RBFOX1: variants seen among roughly 807,000 people sequenced by gnomAD.
RBFOX1 encodes RNA binding protein fox-1 homolog 1.
Under a neutral mutation model 57.7 loss-of-function variants are expected in RBFOX1, and 8 were observed. The observed-to-expected ratio is 0.14, with a 90% confidence interval of 0.08 to 0.25. RBFOX1 has a LOEUF of 0.25. Ranked by LOEUF, RBFOX1 falls within the 10% of genes least tolerant of loss-of-function variation. RBFOX1 has a pLI of 1.00. For missense variants in RBFOX1, 611 were observed against 548.5 expected (o/e 1.11, Z -1.14); for synonymous variants, 326 against 222.4 (o/e 1.47, Z -4.15).
chr16:5,685,142 C>T (rs1473473689), intron 3 of RBFOX1, among the ~76,000 whole-genome samples: 1 of 152,152 alleles, frequency 6.6e-6, no homozygotes, highest in Non-Finnish European at 1.5e-5. Context: ...GCAAGATCAG[C>T]AGGAACTGGA....
chr16:7,456,773 A>G (rs1398610163), intron 4 of RBFOX1, among the ~76,000 whole-genome samples: 1 of 152,160 alleles, frequency 6.6e-6, no homozygotes, highest in African/African-American at 2.4e-5. Context: ...CAGTGGTAGC[A>G]ATTGCAGGAG....
At chr16:5,529,952 C>T (rs540556890) in intron 2 of RBFOX1, among the ~76,000 whole-genome samples, 1 of 152,128 alleles carries the variant, frequency 6.6e-6, no homozygotes, top group Non-Finnish European at 1.5e-5. Flanking sequence ...ACTCGAGGAA[C>T]ACCAAGAAAC....
chr16:5,702,360 A>G (rs2051083159), intron 3 of RBFOX1, among the ~76,000 whole-genome samples: 1 of 152,200 alleles, frequency 6.6e-6, no homozygotes, highest in Non-Finnish European at 1.5e-5. Flanking sequence ...CTATCATGAG[A>G]TAACAGCAAG....
At chr16:5,754,297 T>A (rs2053320906) in intron 3 of RBFOX1, among the ~76,000 whole-genome samples, 1 of 152,148 alleles carries the variant, frequency 6.6e-6, no homozygotes, top group Non-Finnish European at 1.5e-5. Context: ...CTATGTAACA[T>A]GTTTAGGATT....
chr16:7,579,436 CCCTT>C (rs2093584268), intron 5 of RBFOX1, among the ~76,000 whole-genome samples: 1 of 152,046 alleles, frequency 6.6e-6, no homozygotes, highest in African/African-American at 2.4e-5. Flanking sequence ...GCTCCCAGTC[CCCTT>C]CCTTTGCTTT....
At chr16:5,594,414 A>T (rs982929517) in intron 2 of RBFOX1, among the ~76,000 whole-genome samples, 17 of 120,586 alleles carry the variant, frequency 1.4e-4, no homozygotes, top group African/African-American at 4.9e-4. Context: ...CAGGCCTGTG[A>T]CACAGCCTCA....
intron 1 of RBFOX1, among the ~76,000 whole-genome samples, chr16:6,158,060 A>G (rs926454185): frequency 1.3e-5 from 2 of 152,216 alleles, no homozygotes; most frequent in African/African-American, 4.8e-5. Context: ...ATCCAAACCA[A>G]TGGAAACTAG....
intron 4 of RBFOX1, among the ~76,000 whole-genome samples, chr16:7,138,412 A>G (rs1453281470): frequency 6.6e-6 from 1 of 152,194 alleles, no homozygotes; most frequent in Non-Finnish European, 1.5e-5. Context: ...TTTCTGGGAC[A>G]AGATTTCCTT....
chr16:7,010,056 C>T (rs1351998106), intron 3 of RBFOX1, among the ~76,000 whole-genome samples: 1 of 151,928 alleles, frequency 6.6e-6, no homozygotes, highest in African/African-American at 2.4e-5. Flanking sequence ...ACTCAAGAGG[C>T]CCTGGGAGAA....
chr16:7,690,609 C>A (rs1345002048), intron 14 of RBFOX1, among the ~76,000 whole-genome samples: 2 of 152,062 alleles, frequency 1.3e-5, no homozygotes, highest in African/African-American at 4.8e-5. Context: ...CTGGTACCAG[C>A]CTTCTTTCTT....
chr16:5,916,675 T>C (rs2152219835), intron 4 of RBFOX1, among the ~76,000 whole-genome samples: 1 of 152,204 alleles, frequency 6.6e-6, no homozygotes, highest in East Asian at 1.9e-4. Flanking sequence ...TTCCTTGTGG[T>C]AAGCCCCACA....
Position 6,382,142 on chromosome 16 carries a change from A to G in RBFOX1, c.-64+65085A>G, listed in dbSNP as rs117994173. ...ATGGATGCAGAAATTTGAATTTCCC[A>G]TCATTTTCATGTGTTGAAGAATAGT... On this transcript the variant is annotated intron_variant, in intron 2 of 15. Transcript: ENST00000550418. Among the ~76,000 whole-genome samples the G allele has an allele frequency of 1.4e-4, 22 of 152,344 alleles. No homozygotes were observed. The East Asian group carries it at 3.9e-3, about 27-fold the overall frequency.
chr16:6,865,223 G>A (rs999678295), intron 3 of RBFOX1, among the ~76,000 whole-genome samples: 4 of 151,634 alleles, frequency 2.6e-5, no homozygotes, highest in Non-Finnish European at 4.4e-5. Context: ...GGCTGGTCTC[G>A]AACTCCTGAC....
At chr16:6,223,540 T>C (rs1010622120) in intron 1 of RBFOX1, among the ~76,000 whole-genome samples, 1 of 152,154 alleles carries the variant, frequency 6.6e-6, no homozygotes, top group Non-Finnish European at 1.5e-5. Flanking sequence ...CCAGTTTTTG[T>C]TGGGGTTGTT....
At chr16:7,195,144 C>T (rs1025997748) in intron 4 of RBFOX1, among the ~76,000 whole-genome samples, 12 of 152,126 alleles carry the variant, frequency 7.9e-5, no homozygotes, top group African/African-American at 1.9e-4. Context: ...ATGTTTTGTG[C>T]CTCATATTGC....
At chr16:6,190,370 T>C (rs1291879266) in intron 1 of RBFOX1, among the ~76,000 whole-genome samples, 1 of 152,168 alleles carries the variant, frequency 6.6e-6, no homozygotes, top group Non-Finnish European at 1.5e-5. Context: ...CAGAATTATG[T>C]AGTGTCAGGT....
Position 6,771,621 on chromosome 16 carries a change from C to T in RBFOX1, c.-16+116971C>T, listed in dbSNP as rs143262263. 2.2e-3 allele frequency among the ~76,000 whole-genome samples: 341 copies of T among 152,314 alleles called. 3 individuals carry two copies. Among genetic ancestry groups the T allele is most frequent in the African/African-American group, 8.0e-3 (334 of 41,564 alleles). On this transcript the variant is annotated intron_variant, in intron 3 of 15. Coordinates refer to ENST00000550418, the MANE Select transcript of RBFOX1 (RefSeq NM_018723.4). Reference sequence around the variant, plus strand: ...TGATGCCTAACTCAGCAGTTCTCAACTGTGGACAATTTTGCTCCTCAGGAG... The same window carrying T: ...TGATGCCTAACTCAGCAGTTCTCAATTGTGGACAATTTTGCTCCTCAGGAG...
intron 1 of RBFOX1, among the ~76,000 whole-genome samples, chr16:6,250,393 T>C (rs1381488954): frequency 2.0e-5 from 3 of 152,144 alleles, no homozygotes; most frequent in African/African-American, 7.2e-5. Context: ...CCTCTTGACA[T>C]TGCAATGTTT....
chr16:6,954,972 C>A (rs2081461832), intron 3 of RBFOX1, among the ~76,000 whole-genome samples: 1 of 151,314 alleles, frequency 6.6e-6, no homozygotes, highest in African/African-American at 2.4e-5. Flanking sequence ...GGCTCGTGCC[C>A]ATAATCTGAG....
Sources: gnomAD v4.1 joint callset for allele counts (sites outside exome capture counted in the v4.1 genomes callset) on GRCh38, gnomAD v4.1.1 for gene constraint, MANE v1.5 for transcripts, NCBI Gene and HGNC (gene_info 2026-07-23, HGNC 2026-07-21) for gene names.